GRM7: variants seen among roughly 807,000 people sequenced by gnomAD.
GRM7 encodes the protein glutamate metabotropic receptor 7.
A neutral mutation model predicts 84.5 loss-of-function variants in GRM7; 35 were observed. The ratio of observed to expected loss-of-function variants is 0.41; its 90% CI spans 0.32 to 0.55. The LOEUF is 0.55. Among genes scored for constraint, GRM7 ranks in the 20% least tolerant of loss-of-function variants. The pLI is 0.19. For missense variants in GRM7, 1,003 were observed against 1,194.6 expected, an observed-to-expected ratio of 0.84 and a Z score of 2.36; for synonymous variants, 487 against 455.1, an observed-to-expected ratio of 1.07 and a Z score of -0.89.
At chr3:7,424,121 C>A (rs1256426683) in intron 5 of GRM7, among the ~76,000 whole-genome samples, 1 of 152,054 alleles carries the variant, frequency 6.6e-6, no homozygotes, top group African/African-American at 2.4e-5. Context: ...CCTTTCCCAT[C>A]CCCTCATCTG....
Position 6,985,674 on chromosome 3 carries a change from C to T in GRM7, c.519+123767C>T, listed in dbSNP as rs578165146. On this transcript the variant is annotated intron_variant, in intron 1 of 9. Transcript: ENST00000357716. Reference sequence around the variant, plus strand: ...TGAATCCATATTTTCCAACTAAGCTCCACTTCTCTTTTCACTATTCCACAT... The same window carrying T: ...TGAATCCATATTTTCCAACTAAGCTTCACTTCTCTTTTCACTATTCCACAT... 3.3e-5 allele frequency among the ~76,000 whole-genome samples: 5 copies of T among 152,228 alleles called. No individual in the cohort carries two copies. In the South Asian group the frequency reaches 8.3e-4, roughly 25 times the overall value.
chr3:6,991,133 C>A (rs1360272616), intron 1 of GRM7, among the ~76,000 whole-genome samples: 1 of 152,128 alleles, frequency 6.6e-6, no homozygotes, highest in Non-Finnish European at 1.5e-5. Flanking sequence ...CCAACCTGCA[C>A]CCTTAGTTTA....
In GRM7 at chr3:6,863,125, GT is replaced by G. The variant is rs554876053; in HGVS notation, c.519+1228del. ...CTCTTTCTGTCTCTGTCTCCTTGCT[GT>G]TTTTTTTTTCTCTCTGTTTTTTCTC... On this transcript the variant is annotated intron_variant, in intron 1 of 9. Coordinates refer to ENST00000357716, the MANE Select transcript of GRM7 (RefSeq NM_000844.4). This position sits in a 1 kb window ranked among gnomAD's most constrained non-coding sequence, Gnocchi z 4.8. 4.5e-3 allele frequency: 1,386 copies of G among 305,612 alleles called. 8 individuals carry two copies. Among genetic ancestry groups the G allele is most frequent in the South Asian group, 0.013 (508 of 40,104 alleles). 18.9% of individuals were successfully genotyped at this position (305,612 alleles called of 1,614,324 possible).
intron 4 of GRM7, among the ~76,000 whole-genome samples, chr3:7,318,809 G>T (rs1700671787): frequency 6.6e-6 from 1 of 151,980 alleles, no homozygotes; most frequent in Admixed American, 6.6e-5. Context: ...CTGTTTCCAA[G>T]ACTAAATTTA....
intron 5 of GRM7, 39 bp downstream of exon 5, chr3:7,415,202 G>A (rs376890447): frequency 3.1e-5 from 48 of 1,569,832 alleles, no homozygotes; most frequent in African/African-American, 1.1e-4. Context: ...ATTACTCTAC[G>A]TGGCTAGCAC....
intron 8 of GRM7, among the ~76,000 whole-genome samples, chr3:7,667,269 T>TTA (rs1699739262): frequency 5.7e-5 from 8 of 140,790 alleles, no homozygotes; most frequent in African/African-American, 1.6e-4. Context: ...CCCTGTCTGT[T>TTA]AAAAAAAAAA....
intron 7 of GRM7, among the ~76,000 whole-genome samples, chr3:7,482,239 G>T (rs780660377): frequency 4.6e-5 from 7 of 152,090 alleles, no homozygotes; most frequent in Non-Finnish European, 7.4e-5. Context: ...TTCACACCAT[G>T]GCAGGCAAGT....
At chr3:7,086,867 A>G (rs1449134706) in intron 1 of GRM7, among the ~76,000 whole-genome samples, 1 of 152,136 alleles carries the variant, frequency 6.6e-6, no homozygotes, top group Non-Finnish European at 1.5e-5. Flanking sequence ...CTTAGAGGTC[A>G]CTCTCTGGCT....
intron 8 of GRM7, among the ~76,000 whole-genome samples, chr3:7,638,946 G>A (rs1698234258): frequency 6.6e-6 from 1 of 152,176 alleles, no homozygotes; most frequent in African/African-American, 2.4e-5. Context: ...TTGAATATGT[G>A]TCCAAAATGT....
At chr3:7,529,888 G>T (rs1335625763) in intron 7 of GRM7, among the ~76,000 whole-genome samples, 2 of 148,988 alleles carry the variant, frequency 1.3e-5, no homozygotes, top group African/African-American at 2.5e-5. Context: ...TAAATCAGGA[G>T]ACCACTGGCT....
intron 4 of GRM7, among the ~76,000 whole-genome samples, chr3:7,324,905 T>C (rs1200559415): frequency 6.6e-6 from 1 of 152,210 alleles, no homozygotes; most frequent in Non-Finnish European, 1.5e-5. Flanking sequence ...TTTTTAAACA[T>C]ACTCTCCTAG....
At chr3:7,438,458 A>G (rs1055065378) in intron 5 of GRM7, among the ~76,000 whole-genome samples, 6 of 152,010 alleles carry the variant, frequency 3.9e-5, no homozygotes, top group Non-Finnish European at 7.4e-5. Context: ...TTCAAAAGGA[A>G]TTACTTAAAC....
At chr3:6,905,128 C>T (rs1696522953) in intron 1 of GRM7, among the ~76,000 whole-genome samples, 1 of 152,056 alleles carries the variant, frequency 6.6e-6, no homozygotes, top group Non-Finnish European at 1.5e-5. Context: ...ATTTCAAAAT[C>T]GCTTTTTCAC....
At chr3:7,186,406 TTA>T (rs1575006615) in intron 2 of GRM7, among the ~76,000 whole-genome samples, 1 of 152,206 alleles carries the variant, frequency 6.6e-6, no homozygotes, top group African/African-American at 2.4e-5. Context: ...AATAAACATT[TTA>T]TGTTTCCTGT....
intron 1 of GRM7, among the ~76,000 whole-genome samples, chr3:7,013,573 C>T (rs1218078105): frequency 6.6e-6 from 1 of 152,098 alleles, no homozygotes; most frequent in Non-Finnish European, 1.5e-5. Flanking sequence ...TCTTTAAGTA[C>T]ATATCTATTT....
Position 7,336,758 on chromosome 3 carries a change from C to G in GRM7, c.1033+30106C>G, listed in dbSNP as rs563422409. ...CGGCTATACACCAAGAGCGACCAAG[C>G]TGAGAATGAAATGAAGAGCTCAACC... On this transcript the variant is annotated intron_variant, in intron 4 of 9. Coordinates refer to ENST00000357716, the MANE Select transcript of GRM7 (RefSeq NM_000844.4). 2.0e-5 allele frequency among the ~76,000 whole-genome samples: 3 copies of G among 151,562 alleles called. No individual in the cohort carries two copies. In the South Asian group the frequency reaches 6.3e-4, roughly 32 times the overall value.
intron 2 of GRM7, among the ~76,000 whole-genome samples, chr3:7,266,864 G>T (rs923716657): frequency 6.6e-6 from 1 of 152,122 alleles, no homozygotes; most frequent in Admixed American, 6.5e-5. Flanking sequence ...TCTCAAATAA[G>T]TTTTACTCTG....
chr3:7,193,871 G>A (rs1374674376), intron 2 of GRM7, among the ~76,000 whole-genome samples: 1 of 152,044 alleles, frequency 6.6e-6, no homozygotes, highest in Non-Finnish European at 1.5e-5. Context: ...TGTAGCACCA[G>A]ACGTCAGTGA....
intron 9 of GRM7, among the ~76,000 whole-genome samples, chr3:7,722,982 A>T (rs890429426): frequency 6.6e-6 from 1 of 152,118 alleles, no homozygotes; most frequent in Non-Finnish European, 1.5e-5. Context: ...GAGGCTTCAA[A>T]TTTTTTTATC....
Sources: gnomAD v4.1 joint callset for allele counts (sites outside exome capture counted in the v4.1 genomes callset) on GRCh38, gnomAD v4.1.1 for gene constraint, Gnocchi (gnomAD v3.1) non-coding constraint, MANE v1.5 for transcripts, NCBI Gene and HGNC (gene_info 2026-07-23, HGNC 2026-07-21) for gene names.